The following CFAP299 variants were observed in gnomAD, a reference collection of about 807,000 sequenced individuals.
The protein encoded by CFAP299 is cilia and flagella associated protein 299, also known as cilia- and flagella-associated protein 299.
CFAP299 carries 21 observed loss-of-function variants against 27.0 expected under a neutral mutation model. That is an observed-to-expected ratio of 0.78 (90% CI 0.55 to 1.12). The LOEUF is 1.12. Among genes scored for constraint, CFAP299 ranks in the 50% most tolerant of loss-of-function variants. CFAP299 has a pLI of 0.00. For missense variants in CFAP299, 310 were observed against 276.6 expected, an observed-to-expected ratio of 1.12 and a Z score of -0.86; for synonymous variants, 104 against 98.1, an observed-to-expected ratio of 1.06 and a Z score of -0.36.
intron 3 of CFAP299, among the ~76,000 whole-genome samples, chr4:80,860,924 C>T (rs1226119533): frequency 1.3e-5 from 2 of 152,176 alleles, no homozygotes; most frequent in Admixed American, 1.3e-4. Context: ...CTGGGAGAAC[C>T]ACTGCTCTCT....
intron 4 of CFAP299, among the ~76,000 whole-genome samples, chr4:80,932,241 T>C (rs1736660265): frequency 6.6e-6 from 1 of 152,184 alleles, no homozygotes; most frequent in Non-Finnish European, 1.5e-5. Flanking sequence ...TTAATTTTCT[T>C]AATTATTTTT....
chr4:80,824,355 G>T (rs930239058), intron 3 of CFAP299, among the ~76,000 whole-genome samples: 10 of 152,108 alleles, frequency 6.6e-5, no homozygotes, highest in Admixed American at 5.9e-4. Context: ...GTTTATACAC[G>T]GTTTCAGCAG....
chr4:80,894,535 G>A (rs1291011088), intron 4 of CFAP299, among the ~76,000 whole-genome samples: 5 of 151,922 alleles, frequency 3.3e-5, no homozygotes, highest in Non-Finnish European at 5.9e-5. Context: ...TATAGTTATC[G>A]AATATCATAA....
intron 3 of CFAP299, among the ~76,000 whole-genome samples, chr4:80,790,165 G>A (rs1171897476): frequency 6.6e-6 from 1 of 151,926 alleles, no homozygotes; most frequent in African/African-American, 2.4e-5. Flanking sequence ...CTATTTAAGG[G>A]TTTGAAAACC....
chr4:80,652,071 G>C (rs1337139269), intron 3 of CFAP299, among the ~76,000 whole-genome samples: 1 of 152,132 alleles, frequency 6.6e-6, no homozygotes, highest in Non-Finnish European at 1.5e-5. Context: ...GTTAGGCTGT[G>C]ATTGTCACAA....
chr4:80,643,268 A>T (rs1739822075), intron 3 of CFAP299, among the ~76,000 whole-genome samples: 1 of 152,184 alleles, frequency 6.6e-6, no homozygotes, highest in African/African-American at 2.4e-5. Flanking sequence ...GTCCTTGGTG[A>T]CTTTCTAAAG....
In CFAP299 at chr4:80,804,445, T is replaced by G. The variant is rs145917440; in HGVS notation, c.334-65548T>G. On this transcript the variant is annotated intron_variant, in intron 3 of 5. Coordinates refer to ENST00000358105, the MANE Select transcript of CFAP299 (RefSeq NM_152770.3). ...CAAGGTGCATTAATGTTGTAACATG[T>G]GTCAGAATTTCCTTTCTTTTTAAGG... Among the ~76,000 whole-genome samples, 537 of 152,286 alleles carry G rather than the reference T, an allele frequency of 3.5e-3. 2 individuals carry two copies. The highest frequency in any genetic ancestry group is 0.012 in the African/African-American group (517 of 41,570).
chr4:80,430,472 T>C (rs998052954), intron 2 of CFAP299, among the ~76,000 whole-genome samples: 1 of 152,240 alleles, frequency 6.6e-6, no homozygotes, highest in African/African-American at 2.4e-5. Context: ...TTCTTAATGT[T>C]GAGGTGCTCT....
At chr4:80,803,968 G>T (rs1371997997) in intron 3 of CFAP299, among the ~76,000 whole-genome samples, 1 of 151,962 alleles carries the variant, frequency 6.6e-6, no homozygotes, top group Non-Finnish European at 1.5e-5. Flanking sequence ...TCAGTGTCTG[G>T]TGAGGACCTT....
chr4:80,929,596 A>G (rs1451127861), intron 4 of CFAP299, among the ~76,000 whole-genome samples: 1 of 152,098 alleles, frequency 6.6e-6, no homozygotes, highest in African/African-American at 2.4e-5. Context: ...ATTTTCTCCA[A>G]CTCCATAATG....
At chr4:80,690,030 C>A (rs528115941) in intron 3 of CFAP299, among the ~76,000 whole-genome samples, 55 of 145,832 alleles carry the variant, frequency 3.8e-4, no homozygotes, top group African/African-American at 1.5e-3. Flanking sequence ...CAGGAGCACC[C>A]AGATTCATAA....
chr4:80,395,253 T>G (rs1452083515), intron 2 of CFAP299, among the ~76,000 whole-genome samples: 7 of 152,100 alleles, frequency 4.6e-5, no homozygotes, highest in Non-Finnish European at 7.4e-5. Context: ...GATTTTTCTA[T>G]GTTGATTTTG....
intron 4 of CFAP299, among the ~76,000 whole-genome samples, chr4:80,931,597 A>G (rs1271174541): frequency 2.6e-5 from 4 of 152,160 alleles, no homozygotes; most frequent in African/African-American, 9.7e-5. Context: ...CCATAGCCAT[A>G]GCATGCCAAT....
intron 4 of CFAP299, among the ~76,000 whole-genome samples, chr4:80,939,918 T>C (rs1737105589): frequency 6.6e-6 from 1 of 152,172 alleles, no homozygotes; most frequent in Non-Finnish European, 1.5e-5. Flanking sequence ...TTGATCCTGT[T>C]AAGTCAAGCC....
At chr4:80,403,546 C>T (rs934615254) in intron 2 of CFAP299, among the ~76,000 whole-genome samples, 2 of 152,094 alleles carry the variant, frequency 1.3e-5, no homozygotes, top group African/African-American at 4.8e-5. Flanking sequence ...GCTTGAAAAG[C>T]TCTTCTGTCT....
chr4:80,755,853 C>G (rs760893808), intron 3 of CFAP299, among the ~76,000 whole-genome samples: 1 of 152,088 alleles, frequency 6.6e-6, no homozygotes, highest in African/African-American at 2.4e-5. Flanking sequence ...GAACAAAATG[C>G]TGGTCTCAGT....
At chr4:80,953,280 T>A (rs1941187765) in intron 5 of CFAP299, among the ~76,000 whole-genome samples, 1 of 152,182 alleles carries the variant, frequency 6.6e-6, no homozygotes, top group Admixed American at 6.5e-5. Context: ...TGTTGCTTTT[T>A]AACTGTGGCA....
At chr4:80,564,243 C>T (rs983611211) in intron 2 of CFAP299, among the ~76,000 whole-genome samples, 3 of 151,894 alleles carry the variant, frequency 2.0e-5, no homozygotes, top group African/African-American at 7.2e-5. Context: ...AAACTATAGA[C>T]AAATATCTCT....
At chr4:80,606,503 C>G (rs1360035966) in intron 3 of CFAP299, among the ~76,000 whole-genome samples, 1 of 152,052 alleles carries the variant, frequency 6.6e-6, no homozygotes, top group African/African-American at 2.4e-5. Flanking sequence ...CCATTGCACT[C>G]CAGCCTGGGC....
Sources: allele counts gnomAD v4.1 joint callset (sites outside exome capture counted in the v4.1 genomes callset), GRCh38; gene constraint gnomAD v4.1.1; transcripts MANE v1.5; gene names NCBI Gene and HGNC (gene_info 2026-07-23, HGNC 2026-07-21).